The following MARCHF10 variants were observed in gnomAD, a reference collection of about 807,000 sequenced individuals.
MARCHF10 encodes membrane associated ring-CH-type finger 10, also known as probable E3 ubiquitin-protein ligase MARCHF10.
In MARCHF10, 64 loss-of-function variants were observed where a neutral mutation model predicts 76.2. The ratio of observed to expected loss-of-function variants is 0.84; its 90% CI spans 0.69 to 1.03. MARCHF10 has a LOEUF of 1.03. Ranked by LOEUF, MARCHF10 falls within the 50% of genes least tolerant of loss-of-function variation. MARCHF10 has a pLI of 0.00. For synonymous variants in MARCHF10, 340 were observed against 357.5 expected (o/e 0.95, Z 0.55); for missense variants, 875 against 958.0 (o/e 0.91, Z 1.14).
chr17:62,803,218 T>C (rs2093106417), intron 1 of MARCHF10, among the ~76,000 whole-genome samples: 1 of 151,574 alleles, frequency 6.6e-6, no homozygotes, highest in South Asian at 2.1e-4. Flanking sequence ...AGCCCAGGAG[T>C]TAGAGGCTGG....
chr17:62,732,488 C>T (rs768920176), intron 6 of MARCHF10, among the ~76,000 whole-genome samples: 6 of 152,268 alleles, frequency 3.9e-5, no homozygotes, highest in South Asian at 2.1e-4. Flanking sequence ...CTATCCCAAA[C>T]GCTCGGATAT....
Position 62,724,052 on chromosome 17 carries a change from G to A in MARCHF10, c.2104+886C>T, listed in dbSNP as rs562465243. 2.0e-4 allele frequency among the ~76,000 whole-genome samples: 30 copies of A among 152,246 alleles called. No homozygotes were observed. In the East Asian group the frequency reaches 4.4e-3, roughly 23 times the overall value. On this transcript the variant is annotated intron_variant, in intron 7 of 10. Transcript: ENST00000311269. Reference sequence around the variant, plus strand: ...GTCTCCCTGCAGCCTGGATAGTGACGGCTAAGGAGAAGGATATGGAAGACG... The same window carrying A: ...GTCTCCCTGCAGCCTGGATAGTGACAGCTAAGGAGAAGGATATGGAAGACG...
Position 62,801,643 on chromosome 17 carries a change from T to C in MARCHF10, c.90+3A>G. On this transcript the variant is annotated splice_donor_region_variant and intron_variant, in intron 2 of 10. Transcript: ENST00000311269. ...GAAGACCATTCTTGCTTTCTGCAAT[T>C]ACCTGATACTCAGAGTCCACCTTAT... 2 of 1,613,260 alleles carry C rather than the reference T, an allele frequency of 1.2e-6. No homozygotes were observed. Among genetic ancestry groups the C allele is most frequent in the South Asian group, 2.2e-5 (2 of 91,078 alleles).
intron 4 of MARCHF10, chr17:62,750,394 C>T (rs1254250258): frequency 6.5e-6 from 1 of 153,868 alleles, no homozygotes; most frequent in Non-Finnish European, 1.5e-5. Flanking sequence ...CAGGAGGTTC[C>T]TGGGCCACTG....
intron 4 of MARCHF10, among the ~76,000 whole-genome samples, chr17:62,746,568 T>C (rs935868906): frequency 1.3e-5 from 2 of 152,066 alleles, no homozygotes; most frequent in African/African-American, 4.8e-5. Flanking sequence ...TCCTTGAACA[T>C]AGAAGCTTCT....
rs1002719954 is a variant in MARCHF10 at position 62,807,126 on chromosome 17, C to T, written c.-18+951G>A. Among the ~76,000 whole-genome samples the T allele has an allele frequency of 3.9e-5, 6 of 152,294 alleles. No homozygotes were observed. The East Asian group carries it at 5.8e-4, about 15-fold the overall frequency. On this transcript the variant is annotated intron_variant, in intron 1 of 10. Coordinates refer to ENST00000311269, the MANE Select transcript of MARCHF10 (RefSeq NM_152598.4). ...AAGGATTTCAGGAGACCTTATTCAA[C>T]CTTTTCCCCAATTGATTAATTTGTA... is the stretch of plus-strand genomic sequence containing the variant.
chr17:62,795,579 C>T (rs1348924536), intron 2 of MARCHF10, among the ~76,000 whole-genome samples: 1 of 152,088 alleles, frequency 6.6e-6, no homozygotes, highest in Non-Finnish European at 1.5e-5. Flanking sequence ...CGAGGTTAGC[C>T]CTCCTCTCTT....
intron 10 of MARCHF10, chr17:62,703,416 C>T (rs1368962089): frequency 6.6e-6 from 1 of 152,362 alleles, no homozygotes; most frequent in Non-Finnish European, 1.5e-5. Flanking sequence ...GTGCCCATGG[C>T]TCTGCCAATG....
chr17:62,715,201 A>G (rs2090134169), intron 8 of MARCHF10, among the ~76,000 whole-genome samples: 1 of 152,236 alleles, frequency 6.6e-6, no homozygotes, highest in African/African-American at 2.4e-5. Context: ...AAGGGTGAGC[A>G]CGTGGTAGCT....
intron 2 of MARCHF10, among the ~76,000 whole-genome samples, chr17:62,799,883 G>A (rs191446231): frequency 6.6e-6 from 1 of 152,140 alleles, no homozygotes; most frequent in Non-Finnish European, 1.5e-5. Context: ...GCTGGTTCCT[G>A]CCTCAGGGCC....
intron 1 of MARCHF10, among the ~76,000 whole-genome samples, chr17:62,807,467 C>T (rs914580104): frequency 3.3e-5 from 5 of 152,082 alleles, no homozygotes; most frequent in Non-Finnish European, 7.4e-5. Flanking sequence ...CCATCAAGCC[C>T]AGAAGAGAGG....
chr17:62,785,302 C>T (rs887699373), intron 3 of MARCHF10, among the ~76,000 whole-genome samples: 2 of 152,212 alleles, frequency 1.3e-5, no homozygotes, highest in Non-Finnish European at 2.9e-5. Flanking sequence ...ATAAATGGTG[C>T]TGGGGAAACT....
At chr17:62,792,889 AACC>A (rs1327327541) in intron 2 of MARCHF10, among the ~76,000 whole-genome samples, 9 of 101,568 alleles carry the variant, frequency 8.9e-5, no homozygotes, top group Non-Finnish European at 1.2e-4. Flanking sequence ...CCCCTCCATC[AACC>A]ACCACCACCT....
chr17:62,786,590 T>C (rs1267490325), intron 3 of MARCHF10, among the ~76,000 whole-genome samples: 2 of 152,204 alleles, frequency 1.3e-5, no homozygotes, highest in Non-Finnish European at 1.5e-5. Context: ...ATAAGAGCCA[T>C]ATAAACTGTA....
intron 10 of MARCHF10, among the ~76,000 whole-genome samples, chr17:62,703,960 C>T (rs2147526077): frequency 6.6e-6 from 1 of 152,304 alleles, no homozygotes; most frequent in Non-Finnish European, 1.5e-5. Flanking sequence ...TCGCCCCTGC[C>T]CAGCGGAAGC....
At chr17:62,786,002 T>C (rs564674634) in intron 3 of MARCHF10, among the ~76,000 whole-genome samples, 3 of 152,296 alleles carry the variant, frequency 2.0e-5, no homozygotes, top group East Asian at 1.9e-4. Flanking sequence ...GAACTAGAAA[T>C]ACCATTTGAC....
chr17:62,715,966 G>A (rs9893859), intron 8 of MARCHF10, among the ~76,000 whole-genome samples: 9,261 of 152,230 alleles, frequency 0.061, 689 homozygotes, highest in African/African-American at 0.18. Context: ...TAGAGGACAC[G>A]CCCTGATCTG....
chr17:62,780,310 G>A (rs2092634680), intron 3 of MARCHF10, among the ~76,000 whole-genome samples: 1 of 152,306 alleles, frequency 6.6e-6, no homozygotes, highest in South Asian at 2.1e-4. Flanking sequence ...TGCATGGCTG[G>A]ACATTCTGAC....
intron 5 of MARCHF10, among the ~76,000 whole-genome samples, chr17:62,740,081 T>TGCGC (rs986306836): frequency 7.2e-5 from 6 of 83,510 alleles, no homozygotes; most frequent in African/African-American, 1.9e-4. Context: ...TGTGTGTGTG[T>TGCGC]GCGTGTGTGT....
Sources: gnomAD v4.1 joint callset for allele counts (sites outside exome capture counted in the v4.1 genomes callset) on GRCh38, gnomAD v4.1.1 for gene constraint, MANE v1.5 for transcripts, NCBI Gene and HGNC (gene_info 2026-07-23, HGNC 2026-07-21) for gene names.